OLFM4: variants seen among roughly 807,000 people sequenced by gnomAD.
OLFM4 encodes the protein olfactomedin-4.
In OLFM4, 22 loss-of-function variants were observed where a neutral mutation model predicts 25.5. That is an observed-to-expected ratio of 0.86 (90% CI 0.62 to 1.23). The LOEUF is 1.23. Among genes scored for constraint, OLFM4 ranks in the 50% most tolerant of loss-of-function variants. OLFM4 has a pLI of 0.00. For synonymous variants in OLFM4, 255 were observed against 237.7 expected, an observed-to-expected ratio of 1.07 and a Z score of -0.67; for missense variants, 594 against 619.4, an observed-to-expected ratio of 0.96 and a Z score of 0.44.
intron 1 of OLFM4, 54 bp from the exon 2 acceptor site, chr13:53,034,294 C>G (rs1282534145): frequency 1.3e-6 from 2 of 1,587,562 alleles, no homozygotes; most frequent in Non-Finnish European, 1.7e-6. Context: ...ACTCCAGTTG[C>G]CAAAAGCTCA....
rs754284015 is a variant in OLFM4 at position 53,028,872 on chromosome 13, G to A, written c.36G>A (p.Leu12=). 1.9e-6 allele frequency: 3 copies of A among 1,614,228 alleles called. No individual in the cohort carries two copies. Among genetic ancestry groups the A allele is most frequent in the Non-Finnish European group, 2.5e-6 (3 of 1,180,040 alleles). Residue 12 remains leucine (L), a synonymous_variant, in exon 1 of 5, where the codon CTG becomes CTA. Coordinates refer to ENST00000219022, the MANE Select transcript of OLFM4 (RefSeq NM_006418.5). ...GCCTCTCATTTCTCCTAGCCCTTCT[G>A]TTCTTCCTTGGCCAAGCTGCAGGGG... ...RPGLSFLLAL[L]FFLGQAAGDL...
chr13:53,046,555 G>C (rs1332542056), intron 4 of OLFM4, among the ~76,000 whole-genome samples: 2 of 152,162 alleles, frequency 1.3e-5, no homozygotes, highest in African/African-American at 2.4e-5. Flanking sequence ...TAGGTGACTT[G>C]ATTAATCTTT....
At chr13:53,037,706 T>C (rs1380579093) in intron 2 of OLFM4, among the ~76,000 whole-genome samples, 3 of 152,216 alleles carry the variant, frequency 2.0e-5, no homozygotes, top group Non-Finnish European at 4.4e-5. Flanking sequence ...AGCTCCAAAG[T>C]ACTTTATATG....
At chr13:53,041,518 GGTGCTAGGTTTA>G (rs1954686656) in intron 2 of OLFM4, among the ~76,000 whole-genome samples, 1 of 152,006 alleles carries the variant, frequency 6.6e-6, no homozygotes, top group Admixed American at 6.6e-5. Context: ...AAATCTATTG[GGTGCTAGGTTTA>G]GTACCTGCGA....
intron 1 of OLFM4, among the ~76,000 whole-genome samples, chr13:53,031,462 C>T (rs1326639572): frequency 1.3e-5 from 2 of 152,132 alleles, no homozygotes; most frequent in African/African-American, 4.8e-5. Context: ...TGAGTTGCAC[C>T]TTCTGCTGTA....
At position 53,051,105 on chromosome 13, in the gene OLFM4, C is replaced by T. The variant is rs1256394424; in HGVS notation, c.*334C>T. 9.6e-5 allele frequency: 20 copies of T among 208,478 alleles called. No homozygotes were observed. The East Asian group carries it at 2.0e-3, about 21-fold the overall frequency. The allele number at this position is 208,478 out of a possible 1,614,324, so 12.9% of individuals were successfully genotyped here. A position where few individuals can be genotyped will look rare whatever the true frequency, so the allele number is the denominator to read the frequency against. ...TTAAGGAACTTAAAACTCAGTATGG[C>T]GTCTAGGGATTCTTTGTACAGGAAA... On this transcript the variant is annotated 3_prime_UTR_variant, in exon 5 of 5. Transcript: ENST00000219022.
rs1164875022 is a variant in OLFM4 at position 53,050,781 on chromosome 13, G to A, written c.*10G>A. The A allele has an allele frequency of 6.4e-7, 1 of 1,555,886 alleles. No homozygotes were observed. Among genetic ancestry groups the A allele is most frequent in the Admixed American group, 2.1e-5 (1 of 48,308 alleles). On this transcript the variant is annotated 3_prime_UTR_variant, in exon 5 of 5. Transcript: ENST00000219022. ...GCAGAAGCCCCAGTAAGCTGTTTAG[G>A]AGTTAGGGTGAAAGAGAAAATGTTT...
At chr13:53,040,203 A>G (rs1954680137) in intron 2 of OLFM4, among the ~76,000 whole-genome samples, 2 of 152,244 alleles carry the variant, frequency 1.3e-5, no homozygotes, top group African/African-American at 4.8e-5. Flanking sequence ...TGTTTATTAA[A>G]ATATCCACTT....
At chr13:53,033,118 T>A (rs1168898731) in intron 1 of OLFM4, among the ~76,000 whole-genome samples, 1 of 152,176 alleles carries the variant, frequency 6.6e-6, no homozygotes, top group African/African-American at 2.4e-5. Context: ...AATAAAAAAA[T>A]GTTAATTGTG....
At chr13:53,049,891 GT>G in intron 4 of OLFM4, 77 bp from the exon 5 acceptor site, 1 of 1,385,580 alleles carries the variant, frequency 7.2e-7, no homozygotes, top group Non-Finnish European at 9.9e-7. Context: ...GATTCCTTTG[GT>G]GCTTAGGATA....
Position 53,050,792 on chromosome 13 carries a change from A to G in OLFM4, c.*21A>G. On this transcript the variant is annotated 3_prime_UTR_variant, in exon 5 of 5. Coordinates refer to ENST00000219022, the MANE Select transcript of OLFM4 (RefSeq NM_006418.5). ...AGTAAGCTGTTTAGGAGTTAGGGTGAAAGAGAAAATGTTTGTTGAAAAAAT... is the reference window on the plus strand; with the variant it reads ...AGTAAGCTGTTTAGGAGTTAGGGTGGAAGAGAAAATGTTTGTTGAAAAAAT... 2 of 1,541,028 alleles carry G rather than the reference A, an allele frequency of 1.3e-6. No individual in the cohort carries two copies. Among genetic ancestry groups the G allele is most frequent in the Non-Finnish European group, 1.7e-6 (2 of 1,149,346 alleles).
chr13:53,047,022 TG>T (rs1375476385), intron 4 of OLFM4, among the ~76,000 whole-genome samples: 2 of 152,214 alleles, frequency 1.3e-5, no homozygotes, highest in African/African-American at 2.4e-5. Flanking sequence ...AAATTATTTT[TG>T]CTTCCTTGGT....
intron 2 of OLFM4, among the ~76,000 whole-genome samples, chr13:53,037,560 G>A (rs1261022597): frequency 3.9e-5 from 6 of 152,074 alleles, no homozygotes; most frequent in African/African-American, 9.7e-5. Context: ...GGCACTTAAC[G>A]TACATTATCT....
At position 53,050,673 on chromosome 13, in the gene OLFM4, C is replaced by A. The variant is rs746103518; in HGVS notation, c.1435C>A (p.Gln479Lys). The A allele has an allele frequency of 6.2e-7, 1 of 1,613,848 alleles. No individual in the cohort carries two copies. Among genetic ancestry groups the A allele is most frequent in the African/African-American group, 1.3e-5 (1 of 74,990 alleles). The change falls in exon 5 of 5, where the codon CAG becomes AAG. Residue 479 changes from glutamine to lysine, a missense_variant. Physicochemically the swap from Gln to Lys is moderately conservative, Grantham distance 53. Transcript: ENST00000219022. ...AATGCATAAGATGCAGGAAAAAGTG[C>A]AGAGCATTAACTATAACCCTTTTGA... Reference protein sequence around the residue: ...IVMHKMQEKVQSINYNPFDQK... With the variant: ...IVMHKMQEKVKSINYNPFDQK...
chr13:53,039,194 AG>A (rs927283774), intron 2 of OLFM4, among the ~76,000 whole-genome samples: 9 of 152,380 alleles, frequency 5.9e-5, no homozygotes, highest in Non-Finnish European at 1.2e-4. Flanking sequence ...AGAGAAGCTG[AG>A]GGTGTTTCAT....
At chr13:53,030,406 G>A (rs192505533) in intron 1 of OLFM4, among the ~76,000 whole-genome samples, 36 of 152,190 alleles carry the variant, frequency 2.4e-4, no homozygotes, top group African/African-American at 2.9e-4. Context: ...AGGTTCAAGC[G>A]ATTGTCCCAC....
chr13:53,045,789 A>G (rs1214733705), intron 4 of OLFM4, among the ~76,000 whole-genome samples: 1 of 152,196 alleles, frequency 6.6e-6, no homozygotes, highest in Non-Finnish European at 1.5e-5. Context: ...TTTGCTACAA[A>G]CAACGTCCTT....
intron 2 of OLFM4, among the ~76,000 whole-genome samples, chr13:53,040,184 C>G (rs1046458755): frequency 4.6e-5 from 7 of 152,184 alleles, no homozygotes; most frequent in Non-Finnish European, 8.8e-5. Context: ...CAGAAAGAAC[C>G]ACCAACTGTG....
intron 4 of OLFM4, among the ~76,000 whole-genome samples, chr13:53,046,494 T>C (rs1476100325): frequency 6.6e-6 from 1 of 152,162 alleles, no homozygotes; most frequent in Non-Finnish European, 1.5e-5. Flanking sequence ...AAAAACCAGA[T>C]ATGTAGCAGG....
Sources: allele counts gnomAD v4.1 joint callset (sites outside exome capture counted in the v4.1 genomes callset), GRCh38; gene constraint gnomAD v4.1.1; transcripts MANE v1.5; gene names NCBI Gene and HGNC (gene_info 2026-07-23, HGNC 2026-07-21).